The following CNIH4 variants were observed in gnomAD, a reference collection of about 807,000 sequenced individuals.
CNIH4 encodes the protein protein cornichon homolog 4.
Under a neutral mutation model 21.5 loss-of-function variants are expected in CNIH4, and 9 were observed. The ratio of observed to expected loss-of-function variants is 0.42; its 90% CI spans 0.25 to 0.73. CNIH4 has a LOEUF of 0.73. Ranked by LOEUF, CNIH4 falls within the 30% of genes least tolerant of loss-of-function variation. The pLI is 0.27. For missense variants in CNIH4, 159 were observed against 170.0 expected, an observed-to-expected ratio of 0.94 and a Z score of 0.36; for synonymous variants, 67 against 59.1, an observed-to-expected ratio of 1.13 and a Z score of -0.61.
At chr1:224,358,441 A>G (rs769520382) in intron 1 of CNIH4, among the ~76,000 whole-genome samples, 5 of 152,372 alleles carry the variant, frequency 3.3e-5, no homozygotes, top group East Asian at 1.9e-4. Context: ...GATGACCTCT[A>G]TGCCCCTCTT....
intron 4 of CNIH4, among the ~76,000 whole-genome samples, chr1:224,372,762 T>C (rs192970321): frequency 2.0e-5 from 3 of 151,772 alleles, no homozygotes; most frequent in East Asian, 1.9e-4. Flanking sequence ...TTTTTTTTTT[T>C]TTTCTATTTT....
At position 224,364,242 on chromosome 1, in the gene CNIH4, A is replaced by G. The variant is rs1039883968; in HGVS notation, c.139-1637A>G. ...CTCTCTACAAAAATAAAACAAGAGG[A>G]AAAAAAAAAGAAACATGTTTCAGGT... On this transcript the variant is annotated intron_variant, in intron 2 of 4. Coordinates refer to ENST00000465271, the MANE Select transcript of CNIH4 (RefSeq NM_014184.4). 167 of 892,564 alleles carry G rather than the reference A, an allele frequency of 1.9e-4. 2 individuals are homozygous for G. In the African/African-American group the frequency reaches 2.5e-3, roughly 13 times the overall value. The allele number at this position is 892,564 out of a possible 1,614,324, so 55.3% of individuals were successfully genotyped here. A position where few individuals can be genotyped will look rare whatever the true frequency, so the allele number is the denominator to read the frequency against.
upstream of CNIH4, chr1:224,356,875 G>C (rs536006930): frequency 5.9e-6 from 9 of 1,520,170 alleles, no homozygotes; most frequent in South Asian, 9.5e-5. Flanking sequence ...GGGTGGGTCG[G>C]GGCATCCGAG....
At chr1:224,367,893 A>G (rs1672512213) in intron 3 of CNIH4, among the ~76,000 whole-genome samples, 2 of 152,212 alleles carry the variant, frequency 1.3e-5, no homozygotes, top group Admixed American at 1.3e-4. Flanking sequence ...GGGGACTCGA[A>G]TCTTTGAGAA....
In CNIH4 at chr1:224,376,652, T is replaced by C. The variant is rs1031093729; in HGVS notation, c.*830T>C. 2 of 985,324 alleles carry C rather than the reference T, an allele frequency of 2.0e-6. No individual in the cohort carries two copies. Among genetic ancestry groups the C allele is most frequent in the South Asian group, 4.7e-5 (1 of 21,292 alleles). 61.0% of individuals were successfully genotyped at this position (985,324 alleles called of 1,614,324 possible). On this transcript the variant is annotated 3_prime_UTR_variant, in exon 5 of 5. Coordinates refer to ENST00000465271, the MANE Select transcript of CNIH4 (RefSeq NM_014184.4). Reference sequence around the variant, plus strand: ...GAATAGTTATTTGCTGTCTGTGAAATTGAGCCTTTTGGTGCGCCACGTGGT... The same window carrying C: ...GAATAGTTATTTGCTGTCTGTGAAACTGAGCCTTTTGGTGCGCCACGTGGT...
intron 3 of CNIH4, among the ~76,000 whole-genome samples, chr1:224,369,059 G>T (rs1672549254): frequency 6.6e-6 from 1 of 151,986 alleles, no homozygotes; most frequent in Non-Finnish European, 1.5e-5. Flanking sequence ...GGTCTTTGGG[G>T]AATCATACCA....
At chr1:224,366,040 T>C in intron 3 of CNIH4, 49 bp downstream of exon 3, 2 of 1,216,556 alleles carry the variant, frequency 1.6e-6, no homozygotes, top group Non-Finnish European at 1.2e-6. Context: ...AAAAAAAATT[T>C]AAAAAGTTGT....
At chr1:224,372,832 G>A (rs1157156702) in intron 4 of CNIH4, among the ~76,000 whole-genome samples, 1 of 150,866 alleles carries the variant, frequency 6.6e-6, no homozygotes, top group Non-Finnish European at 1.5e-5. Context: ...CGCCCACCTC[G>A]GCCTCCCAAA....
chr1:224,379,008 G>T lies in CNIH4; in HGVS notation c.*3186G>T. The T allele has an allele frequency of 6.7e-7, 1 of 1,502,300 alleles. No individual in the cohort carries two copies. Among genetic ancestry groups the T allele is most frequent in the Non-Finnish European group, 9.1e-7 (1 of 1,102,910 alleles). 93.1% of individuals were successfully genotyped at this position (1,502,300 alleles called of 1,614,324 possible). A position where few individuals can be genotyped will look rare whatever the true frequency, so the allele number is the denominator to read the frequency against. ...CCCGGTCCATAGACTACTATCGAGT[G>T]CTCCTATGTGCATCTTAGTACGTAT... On this transcript the variant is annotated 3_prime_UTR_variant, in exon 5 of 5. Coordinates refer to ENST00000465271, the MANE Select transcript of CNIH4 (RefSeq NM_014184.4).
intron 2 of CNIH4, among the ~76,000 whole-genome samples, chr1:224,363,567 C>T (rs762431536): frequency 9.9e-5 from 15 of 152,276 alleles, no homozygotes; most frequent in Non-Finnish European, 1.9e-4. Flanking sequence ...TCAAGCAATC[C>T]TCCCGCCTTA....
In CNIH4 at chr1:224,378,994, G is replaced by T; in HGVS notation, c.*3172G>T. On this transcript the variant is annotated 3_prime_UTR_variant, in exon 5 of 5. Coordinates refer to ENST00000465271, the MANE Select transcript of CNIH4 (RefSeq NM_014184.4). ...GGCAGTACCCAGGGCCCGGTCCATA[G>T]ACTACTATCGAGTGCTCCTATGTGC... 3 of 1,434,394 alleles carry T rather than the reference G, an allele frequency of 2.1e-6. No individual in the cohort carries two copies. In the South Asian group the frequency reaches 3.7e-5, roughly 18 times the overall value. 88.9% of individuals were successfully genotyped at this position (1,434,394 alleles called of 1,614,324 possible).
intron 1 of CNIH4, among the ~76,000 whole-genome samples, chr1:224,360,260 A>G (rs1412879200): frequency 6.6e-6 from 1 of 151,950 alleles, no homozygotes; most frequent in Non-Finnish European, 1.5e-5. Flanking sequence ...AAGAACTCAA[A>G]CTAAATGTTC....
intron 3 of CNIH4, among the ~76,000 whole-genome samples, chr1:224,368,544 T>A (rs1672532203): frequency 6.6e-6 from 1 of 152,148 alleles, no homozygotes; most frequent in African/African-American, 2.4e-5. Context: ...GGAGATGAAG[T>A]ACAGTAGTCC....
rs1672437225 is a variant in CNIH4 at position 224,365,899 on chromosome 1, T to A, written c.159T>A (p.Ile53=). Residue 53 remains isoleucine (I), a synonymous_variant, in exon 3 of 5, where the codon ATT becomes ATA. Transcript: ENST00000465271. ...KLNKWVIPEL[I]GHTIVTVLLL... The stretch of plus-strand genomic sequence containing the variant: ...TGCAGTGGGTAATTCCAGAATTGAT[T>A]GGCCATACCATTGTCACTGTATTAC... 1 of 1,609,694 alleles carries A rather than the reference T, an allele frequency of 6.2e-7. No homozygotes were observed. Among genetic ancestry groups the A allele is most frequent in the Non-Finnish European group, 8.5e-7 (1 of 1,175,952 alleles).
Position 224,370,939 on chromosome 1 carries a change from C to T in CNIH4, c.252-344C>T, listed in dbSNP as rs570401945. Among the ~76,000 whole-genome samples, 19 of 150,236 alleles carry T rather than the reference C, an allele frequency of 1.3e-4. No individual in the cohort carries two copies. The South Asian group carries it at 2.3e-3, about 18-fold the overall frequency. On this transcript the variant is annotated intron_variant, in intron 3 of 4. Coordinates refer to ENST00000465271, the MANE Select transcript of CNIH4 (RefSeq NM_014184.4). ...TCACCCAGGCTGGGGCTCAATGGCA[C>T]GATCTTGGTTCACTGCAACCTCTGC...
Position 224,379,257 on chromosome 1 carries a change from A to G in CNIH4, c.*3435A>G, listed in dbSNP as rs1310144736. On this transcript the variant is annotated 3_prime_UTR_variant, in exon 5 of 5. Coordinates refer to ENST00000465271, the MANE Select transcript of CNIH4 (RefSeq NM_014184.4). ...GTTAAGAGCTAAGAAAGCTTCCTAT[A>G]GTAGTATCTCCCATGGCACTTACCA... is the stretch of plus-strand genomic sequence containing the variant. The G allele has an allele frequency of 6.0e-6, 4 of 662,008 alleles. No homozygotes were observed. The highest frequency in any genetic ancestry group is 2.7e-6 in the Non-Finnish European group (1 of 375,200). 41.0% of individuals were successfully genotyped at this position (662,008 alleles called of 1,614,324 possible). A position where few individuals can be genotyped will look rare whatever the true frequency, so the allele number is the denominator to read the frequency against.
At chr1:224,362,456 T>C (rs1272287407) in intron 2 of CNIH4, among the ~76,000 whole-genome samples, 1 of 151,530 alleles carries the variant, frequency 6.6e-6, no homozygotes, top group African/African-American at 2.4e-5. Flanking sequence ...CCTTGGTGTT[T>C]TGAAATTTTA....
intron 3 of CNIH4, among the ~76,000 whole-genome samples, chr1:224,367,369 A>T (rs1672494202): frequency 6.6e-6 from 1 of 152,196 alleles, no homozygotes; most frequent in East Asian, 1.9e-4. Flanking sequence ...GAAGGAGTGG[A>T]TATGGGGGAA....
rs759515930 is a variant in CNIH4 at position 224,368,052 on chromosome 1, C to T, written c.251+2061C>T. Among the ~76,000 whole-genome samples, 8 of 152,280 alleles carry T rather than the reference C, an allele frequency of 5.3e-5. No individual in the cohort carries two copies. In the South Asian group the frequency reaches 6.2e-4, roughly 12 times the overall value. ...AAGTCCAAAGATTCTTTTTTTAGGC[C>T]GGGCGTGGTGGCCCATGCCTATAAT... On this transcript the variant is annotated intron_variant, in intron 3 of 4. Transcript: ENST00000465271.
Sources: gnomAD v4.1 joint callset for allele counts (sites outside exome capture counted in the v4.1 genomes callset) on GRCh38, gnomAD v4.1.1 for gene constraint, MANE v1.5 for transcripts, NCBI Gene and HGNC (gene_info 2026-07-23, HGNC 2026-07-21) for gene names.